Variants in ENPP2 observed in about 807,000 individuals in gnomAD.
ENPP2 encodes the protein autotaxin.
Under a neutral mutation model 120.2 loss-of-function variants are expected in ENPP2, and 51 were observed. The ratio of observed to expected loss-of-function variants is 0.42; its 90% CI spans 0.34 to 0.54. ENPP2 has a LOEUF of 0.54. Ranked by LOEUF, ENPP2 falls within the 20% of genes least tolerant of loss-of-function variation. The pLI is 0.04. For missense variants in ENPP2, 920 were observed against 1,066.5 expected (o/e 0.86, Z 1.91); for synonymous variants, 365 against 366.4 (o/e 1.00, Z 0.04).
Position 119,645,271 on chromosome 8 carries a change from T to C in ENPP2, c.22-6744A>G, listed in dbSNP as rs539837109. On this transcript the variant is annotated intron_variant, in intron 1 of 25. Transcript: ENST00000427067. The stretch of plus-strand genomic sequence containing the variant: ...CACACGAGGGCCTCCACTCAACACG[T>C]CCAAAACGCAGCTACCTACACAACA... Among the ~76,000 whole-genome samples, 8 of 152,220 alleles carry C rather than the reference T, an allele frequency of 5.3e-5. No individual in the cohort carries two copies. In the South Asian group the frequency reaches 1.7e-3, roughly 32 times the overall value.
chr8:119,610,479 T>C (rs1317755141), intron 8 of ENPP2, among the ~76,000 whole-genome samples: 1 of 146,294 alleles, frequency 6.8e-6, no homozygotes, highest in African/African-American at 2.6e-5. Context: ...TACAAGCCGA[T>C]AAGGTTATAA....
chr8:119,621,064 C>T (rs1042158980), intron 4 of ENPP2, among the ~76,000 whole-genome samples: 6 of 152,164 alleles, frequency 3.9e-5, no homozygotes, highest in African/African-American at 1.4e-4. Flanking sequence ...GCAGTATATC[C>T]GTTTCCTCAA....
rs773180390 is a variant in ENPP2, at chr8:119,586,295, G to A, written c.1258C>T (p.His420Tyr). Reference sequence around the variant, plus strand: ...TGCTGTTTCAAGTAAGGCTTAAAGTGCTGATCTGGTTTTTTACACTGAAAT... The same window carrying A: ...TGCTGTTTCAAGTAAGGCTTAAAGTACTGATCTGGTTTTTTACACTGAAAT... ...ANLTCKKPDQ[H>Y]FKPYLKQHLP... The change falls in exon 15 of 25, where the codon CAC (histidine) becomes TAC (tyrosine). Residue 420 changes from histidine (H) to tyrosine (Y), a missense_variant. His to Tyr is a moderately conservative substitution (Grantham distance 83). Transcript: ENST00000075322. 5 of 1,613,852 alleles carry A rather than the reference G, an allele frequency of 3.1e-6. No individual in the cohort carries two copies. Among genetic ancestry groups the A allele is most frequent in the Non-Finnish European group, 4.2e-6 (5 of 1,179,796 alleles).
At chr8:119,642,838 C>T (rs1817322665), upstream of ENPP2, among the ~76,000 whole-genome samples, 1 of 152,138 alleles carries the variant, frequency 6.6e-6, no homozygotes. Flanking sequence ...TCCTTGTTCC[C>T]TAGCCCTGAT....
In ENPP2 at chr8:119,570,807, A is replaced by G; in HGVS notation, c.1815T>C (p.Leu605=). ...ATAAGATATCATATCTAGTCCGATAAAGCACTGCAGGTCGCCCATAGAGGA... is the reference window on the plus strand; with the variant it reads ...ATAAGATATCATATCTAGTCCGATAGAGCACTGCAGGTCGCCCATAGAGGA... The part of the protein sequence containing the change: ...RHLLYGRPAV[L]YRTRYDILYH... Residue 605 remains leucine (L), a synonymous_variant, in exon 20 of 25, where the codon CTT becomes CTC. Transcript: ENST00000075322. 1 of 1,582,102 alleles carries G rather than the reference A, an allele frequency of 6.3e-7. No individual in the cohort carries two copies. The highest frequency in any genetic ancestry group is 8.6e-7 in the Non-Finnish European group (1 of 1,166,852).
intron 2 of ENPP2, among the ~76,000 whole-genome samples, chr8:119,627,786 T>G (rs1479597800): frequency 6.6e-6 from 1 of 151,520 alleles, no homozygotes; most frequent in Non-Finnish European, 1.5e-5. Context: ...TGCCCGAACC[T>G]GGGAGGCAGA....
intron 8 of ENPP2, among the ~76,000 whole-genome samples, chr8:119,608,703 G>T (rs901956192): frequency 1.3e-5 from 2 of 151,262 alleles, no homozygotes; most frequent in African/African-American, 4.8e-5. Flanking sequence ...CAGCCATGTA[G>T]TCCTTTGGCA....
intron 1 of ENPP2, among the ~76,000 whole-genome samples, chr8:119,654,826 C>T (rs936131292): frequency 6.6e-6 from 1 of 152,184 alleles, no homozygotes; most frequent in African/African-American, 2.4e-5. Context: ...GGCTATACAA[C>T]ATCTAAGCTT....
At chr8:119,599,688 T>C (rs1169998927) in intron 11 of ENPP2, among the ~76,000 whole-genome samples, 2 of 152,174 alleles carry the variant, frequency 1.3e-5, no homozygotes, top group African/African-American at 2.4e-5. Context: ...TCTTCCACAA[T>C]GATGGCTGAG....
rs113343586 is a variant in ENPP2 at position 119,581,299 on chromosome 8, C to T, written c.1728+1119G>A. Among the ~76,000 whole-genome samples the T allele has an allele frequency of 9.9e-3, 1,497 of 150,706 alleles. 26 individuals are homozygous for T. The highest frequency in any genetic ancestry group is 0.035 in the African/African-American group (1,435 of 41,002). On this transcript the variant is annotated intron_variant, in intron 18 of 24. Coordinates refer to ENST00000075322, the MANE Select transcript of ENPP2 (RefSeq NM_001040092.3). ...AAAAAAAAAAGAAAACCTGTCCAAG[C>T]ATAGTGTGTGGGGGTAGTCTCTGTT...
At chr8:119,564,986 T>C in intron 22 of ENPP2, 31 bp from the exon 23 acceptor site, 1 of 1,601,992 alleles carries the variant, frequency 6.2e-7, no homozygotes, top group Non-Finnish European at 8.5e-7. Flanking sequence ...AAAAATCAAT[T>C]ATTCATGAAG....
chr8:119,598,165 A>G (rs1013849276), intron 11 of ENPP2, among the ~76,000 whole-genome samples: 3 of 152,208 alleles, frequency 2.0e-5, no homozygotes, highest in Non-Finnish European at 2.9e-5. Context: ...TTAAAAGCAT[A>G]AACTATTTTG....
intron 9 of ENPP2, among the ~76,000 whole-genome samples, chr8:119,605,592 C>T (rs1431735516): frequency 6.6e-6 from 1 of 151,390 alleles, no homozygotes; most frequent in African/African-American, 2.4e-5. Flanking sequence ...TCCCAGGTAG[C>T]TGGGATTACA....
In ENPP2 at chr8:119,600,769, G is replaced by A; in HGVS notation, c.900-19C>T. 1.3e-6 allele frequency: 2 copies of A among 1,485,690 alleles called. No homozygotes were observed. The highest frequency in any genetic ancestry group is 1.4e-5 in the African/African-American group (1 of 72,198). The allele number at this position is 1,485,690 out of a possible 1,614,324, so 92.0% of individuals were successfully genotyped here. A position where few individuals can be genotyped will look rare whatever the true frequency, so the allele number is the denominator to read the frequency against. ...CGAAGGCCTATAAGAAAATTGGAAG[G>A]TTCAGAATCTCTCCTAAACCACATG... On this transcript the variant is annotated intron_variant, in intron 10 of 24. Coordinates refer to ENST00000075322, the MANE Select transcript of ENPP2 (RefSeq NM_001040092.3).
chr8:119,585,390 T>C (rs1813032881), intron 15 of ENPP2, among the ~76,000 whole-genome samples: 1 of 152,232 alleles, frequency 6.6e-6, no homozygotes. Context: ...TCTAGAGTTC[T>C]AAGTTCTTCT....
At chr8:119,608,111 C>A in intron 8 of ENPP2, 134 bp from the exon 9 acceptor site, 1 of 526,430 alleles carries the variant, frequency 1.9e-6, no homozygotes. Context: ...TTATTTGCAA[C>A]CATTTATTTT....
At chr8:119,662,289 CT>C (rs1332500672) in intron 1 of ENPP2, among the ~76,000 whole-genome samples, 1 of 151,782 alleles carries the variant, frequency 6.6e-6, no homozygotes, top group African/African-American at 2.4e-5. Context: ...CATGTTGTAT[CT>C]CGTAAATACA....
chr8:119,629,600 G>A (rs780286360), intron 2 of ENPP2, among the ~76,000 whole-genome samples: 13 of 152,216 alleles, frequency 8.5e-5, no homozygotes, highest in Non-Finnish European at 1.9e-4. Context: ...CATGAGATGT[G>A]AAACACTTTT....
At chr8:119,633,641 G>A (rs761085675) in intron 2 of ENPP2, among the ~76,000 whole-genome samples, 5 of 151,686 alleles carry the variant, frequency 3.3e-5, no homozygotes, top group South Asian at 2.1e-4. Context: ...TACTTTTTTC[G>A]TATTGAATTT....
Sources: gnomAD v4.1 joint callset for allele counts (sites outside exome capture counted in the v4.1 genomes callset) on GRCh38, gnomAD v4.1.1 for gene constraint, MANE v1.5 for transcripts, NCBI Gene and HGNC (gene_info 2026-07-23, HGNC 2026-07-21) for gene names.